NRG1: variants seen among roughly 807,000 people sequenced by gnomAD.
NRG1 encodes pro-neuregulin-1, membrane-bound isoform.
A neutral mutation model predicts 63.8 loss-of-function variants in NRG1; 18 were observed. That is an observed-to-expected ratio of 0.28 (90% CI 0.19 to 0.42). The LOEUF (loss-of-function observed/expected upper bound fraction) is 0.42, where lower values mean the gene tolerates loss of function less well. NRG1 is among the 10% of genes least tolerant of loss of function. NRG1 has a pLI of 1.00. For missense variants in NRG1, 762 were observed against 814.7 expected (o/e 0.94, Z 0.79); for synonymous variants, 302 against 301.3 (o/e 1.00, Z -0.02).
At chr8:32,478,163 A>G (rs1260540099) in intron 1 of NRG1, among the ~76,000 whole-genome samples, 1 of 152,268 alleles carries the variant, frequency 6.6e-6, no homozygotes, top group Non-Finnish European at 1.5e-5. Context: ...CTTCTGCTGC[A>G]TAATAACTCA....
intron 1 of NRG1, among the ~76,000 whole-genome samples, chr8:31,902,080 T>A (rs1007597014): frequency 4.0e-5 from 6 of 151,272 alleles, no homozygotes; most frequent in Admixed American, 3.3e-4. Flanking sequence ...TTTAAAAATT[T>A]AAAAAAAAAG....
downstream of NRG1, among the ~76,000 whole-genome samples, chr8:32,772,218 C>T (rs992936906): frequency 6.6e-6 from 1 of 151,580 alleles, no homozygotes; most frequent in African/African-American, 2.4e-5. Flanking sequence ...TCACTCTTTA[C>T]TCCATGCATA....
chr8:32,040,618 CAT>C (rs986224561), intron 1 of NRG1, among the ~76,000 whole-genome samples: 3 of 147,952 alleles, frequency 2.0e-5, no homozygotes, highest in South Asian at 2.1e-4. Flanking sequence ...CATATATACA[CAT>C]ATATACACGT....
intron 1 of NRG1, among the ~76,000 whole-genome samples, chr8:32,430,697 C>T (rs183210063): frequency 8.2e-4 from 125 of 152,006 alleles, no homozygotes; most frequent in African/African-American, 2.7e-3. Flanking sequence ...TATTGACTAA[C>T]GACAGCATCC....
At chr8:31,917,669 G>C (rs1351190965) in intron 1 of NRG1, among the ~76,000 whole-genome samples, 1 of 151,360 alleles carries the variant, frequency 6.6e-6, no homozygotes. Context: ...TTTTGGCTTA[G>C]GATGGACTTG....
At chr8:31,923,673 C>T (rs11990634) in intron 1 of NRG1, among the ~76,000 whole-genome samples, 4 of 151,808 alleles carry the variant, frequency 2.6e-5, no homozygotes, top group African/African-American at 9.7e-5. Flanking sequence ...CTCATGTTAA[C>T]TGTAAGTTAC....
chr8:32,668,252 T>C lies in NRG1; in HGVS notation c.502+51367T>C, dbSNP rs182513568. ...GTGACATGCTGGTTAAAGGTCCCTG[T>C]CCATATCCCCCTTTTGCAACTATTT... On this transcript the variant is annotated intron_variant, in intron 5 of 11. Transcript: ENST00000356819. Among the ~76,000 whole-genome samples the C allele has an allele frequency of 2.8e-3, 423 of 151,736 alleles. 1 individual carries two copies. Among genetic ancestry groups the C allele is most frequent in the Admixed American group, 5.2e-3 (80 of 15,256 alleles).
chr8:32,743,018 G>A, intron 7 of NRG1: 1 of 1,218,642 alleles, frequency 8.2e-7, no homozygotes, highest in South Asian at 2.5e-5. Flanking sequence ...TCAATATCAA[G>A]CAGTGAAATA....
At chr8:32,203,502 T>G (rs915336353) in intron 1 of NRG1, among the ~76,000 whole-genome samples, 1 of 152,008 alleles carries the variant, frequency 6.6e-6, no homozygotes, top group Admixed American at 6.6e-5. Flanking sequence ...GCCTCCCCAG[T>G]AGCTGGGACT....
rs904518058 is a variant in NRG1 at position 32,235,718 on chromosome 8, C to T, written c.38-360110C>T. Among the ~76,000 whole-genome samples the T allele has an allele frequency of 2.8e-4, 42 of 152,058 alleles. 1 individual carries two copies. Among genetic ancestry groups the T allele is most frequent in the Non-Finnish European group, 1.2e-4 (8 of 68,022 alleles). ...CTGGAATAGTTGGTCACTCAGATTTCGGTGCAGTGGTTAAAGTTAACACTT... is the reference window on the plus strand; with the variant it reads ...CTGGAATAGTTGGTCACTCAGATTTTGGTGCAGTGGTTAAAGTTAACACTT... On this transcript the variant is annotated intron_variant, in intron 1 of 10. Transcript: ENST00000519301.
intron 1 of NRG1, among the ~76,000 whole-genome samples, chr8:32,443,314 G>C (rs1819797143): frequency 6.6e-6 from 1 of 152,154 alleles, no homozygotes; most frequent in Non-Finnish European, 1.5e-5. Flanking sequence ...CCTCTGCTGA[G>C]CTTTATCAGG....
intron 1 of NRG1, among the ~76,000 whole-genome samples, chr8:32,445,115 C>T (rs933872261): frequency 1.3e-5 from 2 of 152,094 alleles, no homozygotes; most frequent in Non-Finnish European, 2.9e-5. Flanking sequence ...AGTCCCAGGA[C>T]CCCTTGCAGA....
At chr8:32,740,463 C>A (rs1032881752) in intron 6 of NRG1, among the ~76,000 whole-genome samples, 1 of 152,122 alleles carries the variant, frequency 6.6e-6, no homozygotes. Flanking sequence ...TCCCAAAGTG[C>A]TAGGATTACA....
intron 1 of NRG1, among the ~76,000 whole-genome samples, chr8:31,910,295 T>A (rs1832837687): frequency 7.0e-6 from 1 of 143,590 alleles, no homozygotes; most frequent in Non-Finnish European, 1.6e-5. Flanking sequence ...ACATGCAGCA[T>A]AGAATGGAAT....
At chr8:32,391,136 G>T (rs1170692183) in intron 1 of NRG1, among the ~76,000 whole-genome samples, 2 of 151,658 alleles carry the variant, frequency 1.3e-5, no homozygotes, top group Non-Finnish European at 2.9e-5. Flanking sequence ...TTGGGGGGAG[G>T]GGGGCTGGTG....
At chr8:32,241,331 C>G (rs938444956) in intron 1 of NRG1, among the ~76,000 whole-genome samples, 1 of 152,166 alleles carries the variant, frequency 6.6e-6, no homozygotes, top group African/African-American at 2.4e-5. Flanking sequence ...CTTAAGAATT[C>G]TCTATATTTA....
intron 7 of NRG1, among the ~76,000 whole-genome samples, chr8:32,750,071 TA>T (rs1327216984): frequency 1.8e-4 from 27 of 152,326 alleles, no homozygotes; most frequent in Admixed American, 1.2e-3. Flanking sequence ...GTAATGTATA[TA>T]GAAAGCCCTT....
intron 1 of NRG1, among the ~76,000 whole-genome samples, chr8:32,402,930 G>A (rs1008716930): frequency 2.6e-5 from 4 of 152,014 alleles, no homozygotes; most frequent in African/African-American, 7.3e-5. Flanking sequence ...ATGTATTTTC[G>A]TATCCTTACA....
intron 1 of NRG1, among the ~76,000 whole-genome samples, chr8:32,496,683 A>G (rs1312704422): frequency 1.3e-5 from 2 of 152,142 alleles, no homozygotes; most frequent in Admixed American, 1.3e-4. Flanking sequence ...CTTGTCTTTC[A>G]TTTGAGTTCT....
Sources: allele counts gnomAD v4.1 joint callset (sites outside exome capture counted in the v4.1 genomes callset), GRCh38; gene constraint gnomAD v4.1.1; transcripts MANE v1.5; gene names NCBI Gene and HGNC (gene_info 2026-07-23, HGNC 2026-07-21).